Variants in CATSPERB observed in about 807,000 individuals in gnomAD.
CATSPERB encodes the protein cation channel sperm-associated auxiliary subunit beta.
A neutral mutation model predicts 128.3 loss-of-function variants in CATSPERB; 93 were observed. The ratio of observed to expected loss-of-function variants is 0.72; its 90% CI spans 0.61 to 0.86. The LOEUF is 0.86. CATSPERB is among the 40% of genes least tolerant of loss of function. The pLI is 0.00. For synonymous variants in CATSPERB, 381 were observed against 448.8 expected (o/e 0.85, Z 1.91); for missense variants, 1,153 against 1,329.5 (o/e 0.87, Z 2.06).
At chr14:91,608,943 A>G (rs1052207892) in intron 21 of CATSPERB, among the ~76,000 whole-genome samples, 1 of 152,236 alleles carries the variant, frequency 6.6e-6, no homozygotes, top group African/African-American at 2.4e-5. Flanking sequence ...TTAACCATTA[A>G]TAGCCTACTG....
chr14:91,695,730 C>T (rs1895552529), intron 7 of CATSPERB, among the ~76,000 whole-genome samples: 1 of 152,098 alleles, frequency 6.6e-6, no homozygotes, highest in Non-Finnish European at 1.5e-5. Context: ...GAGAACATCA[C>T]TCTGGTGGGT....
chr14:91,665,467 A>G lies in CATSPERB; in HGVS notation c.1287+4347T>C, dbSNP rs117019008. ...ATGCAGGCCCAAGAACTCTATTTAG[A>G]TGATCGCCTGTTATATATGTGGAGA... On this transcript the variant is annotated intron_variant, in intron 14 of 26. Coordinates refer to ENST00000256343, the MANE Select transcript of CATSPERB (RefSeq NM_024764.4). Among the ~76,000 whole-genome samples the G allele has an allele frequency of 4.8e-3, 732 of 152,324 alleles. 4 individuals carry two copies. The highest frequency in any genetic ancestry group is 8.0e-3 in the Non-Finnish European group (541 of 68,024).
At chr14:91,651,910 T>C (rs932675013) in intron 15 of CATSPERB, among the ~76,000 whole-genome samples, 1 of 152,068 alleles carries the variant, frequency 6.6e-6, no homozygotes, top group African/African-American at 2.4e-5. Context: ...GGGAAAAAAA[T>C]GAACCTCACT....
intron 22 of CATSPERB, among the ~76,000 whole-genome samples, chr14:91,596,242 C>T (rs1893503405): frequency 6.6e-6 from 1 of 152,008 alleles, no homozygotes; most frequent in African/African-American, 2.4e-5. Context: ...CTTACTCTGT[C>T]ACCCAGGCTG....
intron 26 of CATSPERB, among the ~76,000 whole-genome samples, chr14:91,584,671 G>T (rs1893266090): frequency 6.6e-6 from 1 of 152,164 alleles, no homozygotes; most frequent in Non-Finnish European, 1.5e-5. Flanking sequence ...TCAGTAGATA[G>T]AGAATTCTGG....
chr14:91,653,938 A>G (rs1894748099), intron 15 of CATSPERB, among the ~76,000 whole-genome samples: 1 of 152,242 alleles, frequency 6.6e-6, no homozygotes, highest in African/African-American at 2.4e-5. Flanking sequence ...AAATGAGGTG[A>G]AGCAGATGGG....
chr14:91,626,174 T>C (rs772428010), intron 17 of CATSPERB, among the ~76,000 whole-genome samples: 3 of 151,968 alleles, frequency 2.0e-5, no homozygotes, highest in Non-Finnish European at 4.4e-5. Flanking sequence ...AAATATAAAA[T>C]GTAAAACTAT....
chr14:91,727,669 C>T (rs1324683639), intron 2 of CATSPERB, among the ~76,000 whole-genome samples: 2 of 152,164 alleles, frequency 1.3e-5, no homozygotes, highest in African/African-American at 4.8e-5. Context: ...CAAATCACTT[C>T]TCTGTTTAAA....
At chr14:91,640,238 CTTTTTATT>C (rs1012633496) in intron 15 of CATSPERB, among the ~76,000 whole-genome samples, 1 of 143,364 alleles carries the variant, frequency 7.0e-6, no homozygotes, top group African/African-American at 2.6e-5. Context: ...CAATGTCATT[CTTTTTATT>C]TTTTTATTTT....
At chr14:91,691,607 C>A (rs776731727) in intron 9 of CATSPERB, 52 bp from the exon 10 acceptor site, 112 of 1,322,492 alleles carry the variant, frequency 8.5e-5, no homozygotes, top group Non-Finnish European at 1.1e-4. Context: ...GAAGGCCTAA[C>A]AAAACATAGC....
rs184373426 is a variant in CATSPERB, at chr14:91,717,811, A to G, written c.370+1607T>C. 5.3e-5 allele frequency among the ~76,000 whole-genome samples: 8 copies of G among 152,360 alleles called. 1 individual carries two copies. The highest frequency in any genetic ancestry group is 3.9e-4 in the Admixed American group (6 of 15,302). On this transcript the variant is annotated intron_variant, in intron 5 of 26. Transcript: ENST00000256343. ...AAGTATGATTAAGGAGGAAAAAGTG[A>G]ATGAATAAATATGATCTCCTTACCT...
intron 20 of CATSPERB, among the ~76,000 whole-genome samples, chr14:91,616,636 T>G (rs1336930330): frequency 1.3e-5 from 2 of 152,050 alleles, no homozygotes; most frequent in Non-Finnish European, 2.9e-5. Context: ...TATCACAATT[T>G]CAATAAGTCT....
intron 6 of CATSPERB, 120 bp downstream of exon 6, chr14:91,708,021 C>CTATT (rs939217437): frequency 1.6e-5 from 11 of 684,608 alleles, no homozygotes; most frequent in East Asian, 5.6e-5. Flanking sequence ...TGATTATCTC[C>CTATT]TATTTATTTA....
At chr14:91,711,009 C>T (rs550021735) in intron 5 of CATSPERB, among the ~76,000 whole-genome samples, 63 of 152,206 alleles carry the variant, frequency 4.1e-4, no homozygotes, top group Middle Eastern at 3.4e-3. Flanking sequence ...CCCACTGTGA[C>T]CAAATATAAT....
intron 7 of CATSPERB, among the ~76,000 whole-genome samples, chr14:91,700,795 A>T (rs1895635322): frequency 1.3e-5 from 2 of 152,122 alleles, no homozygotes; most frequent in South Asian, 4.2e-4. Context: ...GTATGGCGAC[A>T]ATAGACACTG....
At chr14:91,657,308 T>C (rs868629832) in intron 15 of CATSPERB, among the ~76,000 whole-genome samples, 2 of 151,938 alleles carry the variant, frequency 1.3e-5, no homozygotes, top group African/African-American at 4.8e-5. Flanking sequence ...GCAGAAGATA[T>C]CCATGTGCAG....
rs1895927990 is a variant in CATSPERB at position 91,715,785 on chromosome 14, C to A, written c.370+3633G>T. Among the ~76,000 whole-genome samples the A allele has an allele frequency of 2.0e-5, 3 of 152,128 alleles. No homozygotes were observed. In the East Asian group the frequency reaches 5.8e-4, roughly 29 times the overall value. ...AGACCTATTATAAAGCTAAAATAAT[C>A]AAGACAGTATAGTATTGGTGAAAGG... is the stretch of plus-strand genomic sequence containing the variant. On this transcript the variant is annotated intron_variant, in intron 5 of 26. Transcript: ENST00000256343.
At chr14:91,700,084 G>C (rs899568289) in intron 7 of CATSPERB, among the ~76,000 whole-genome samples, 1 of 151,572 alleles carries the variant, frequency 6.6e-6, no homozygotes, top group Non-Finnish European at 1.5e-5. Flanking sequence ...CCCTCCTTTT[G>C]TCCCCCACCC....
intron 7 of CATSPERB, among the ~76,000 whole-genome samples, chr14:91,704,072 T>A (rs1483019300): frequency 2.0e-5 from 3 of 152,102 alleles, no homozygotes; most frequent in Non-Finnish European, 4.4e-5. Flanking sequence ...AACTGGAGAA[T>A]CACTCGGTGT....
Sources: gnomAD v4.1 joint callset for allele counts (sites outside exome capture counted in the v4.1 genomes callset) on GRCh38, gnomAD v4.1.1 for gene constraint, MANE v1.5 for transcripts, NCBI Gene and HGNC (gene_info 2026-07-23, HGNC 2026-07-21) for gene names.